Variants in TSC1 observed in about 807,000 individuals in gnomAD.
TSC1 encodes the protein hamartin.
TSC1 carries 20 observed loss-of-function variants against 124.3 expected under a neutral mutation model. The observed-to-expected ratio is 0.16, with a 90% CI of 0.11 to 0.23. The LOEUF (loss-of-function observed/expected upper bound fraction) is 0.23. Among genes scored for constraint, TSC1 ranks in the 10% least tolerant of loss-of-function variants. The pLI is 1.00. For missense variants in TSC1, 1,124 were observed against 1,448.5 expected, an observed-to-expected ratio of 0.78 and a Z score of 3.64; for synonymous variants, 493 against 539.1, an observed-to-expected ratio of 0.91 and a Z score of 1.19.
intron 8 of TSC1, among the ~76,000 whole-genome samples, chr9:132,916,664 A>T (rs1405975476): frequency 2.0e-5 from 3 of 152,166 alleles, no homozygotes; most frequent in Admixed American, 2.0e-4. Flanking sequence ...GTCTATTGCT[A>T]ATTTTTCCTA....
At position 132,906,270 on chromosome 9, in the gene TSC1, A is replaced by T; in HGVS notation, c.1439-131T>A. 4 of 1,060,572 alleles carry T rather than the reference A, an allele frequency of 3.8e-6. No homozygotes were observed. The South Asian group carries it at 4.1e-5, about 11-fold the overall frequency. The allele number at this position is 1,060,572 out of a possible 1,614,324, so 65.7% of individuals were successfully genotyped here. On this transcript the variant is annotated intron_variant, in intron 14 of 22. Transcript: ENST00000298552. This position sits in a 1 kb window ranked among gnomAD's most constrained non-coding sequence, Gnocchi z 4.1. ...AGGAGAAAAAGTGGCATCCGGCTGGACACAGTGGCTCACGCCTGTAATGCC... is the reference window on the plus strand; with the variant it reads ...AGGAGAAAAAGTGGCATCCGGCTGGTCACAGTGGCTCACGCCTGTAATGCC...
intron 1 of TSC1, among the ~76,000 whole-genome samples, chr9:132,937,873 C>A (rs1051215535): frequency 1.3e-5 from 2 of 152,150 alleles, no homozygotes; most frequent in Non-Finnish European, 2.9e-5. Context: ...CACCACCATG[C>A]CCAACTAATT....
At chr9:132,909,588 T>C (rs1243096223) in intron 12 of TSC1, among the ~76,000 whole-genome samples, 1 of 152,172 alleles carries the variant, frequency 6.6e-6, no homozygotes, top group Non-Finnish European at 1.5e-5. Flanking sequence ...AGCAGTTCTT[T>C]CAAATAAAAC....
intron 12 of TSC1, among the ~76,000 whole-genome samples, chr9:132,909,085 T>G (rs1373840990): frequency 6.6e-6 from 1 of 151,918 alleles, no homozygotes; most frequent in East Asian, 1.9e-4. Context: ...CTATATTTAG[T>G]AGAGATGGTG....
intron 2 of TSC1, among the ~76,000 whole-genome samples, chr9:132,929,371 C>T (rs1267048143): frequency 6.6e-6 from 1 of 152,214 alleles, no homozygotes; most frequent in East Asian, 1.9e-4. Flanking sequence ...TTGACAGTCT[C>T]ATCAATGGCT....
chr9:132,900,234 G>A (rs547005617), intron 20 of TSC1: 57 of 176,596 alleles, frequency 3.2e-4, no homozygotes, highest in Admixed American at 1.3e-3. Context: ...CTTCTGCCTC[G>A]ACACCACTGG....
Position 132,897,589 on chromosome 9 carries a change from C to T in TSC1, c.2647G>A (p.Ala883Thr), listed in dbSNP as rs118203721. 2.7e-4 allele frequency: 364 copies of T among 1,367,368 alleles called. No homozygotes were observed. The highest frequency in any genetic ancestry group is 3.4e-4 in the Non-Finnish European group (349 of 1,020,828). The allele number at this position is 1,367,368 out of a possible 1,614,324, so 84.7% of individuals were successfully genotyped here. A position where few individuals can be genotyped will look rare whatever the true frequency, so the allele number is the denominator to read the frequency against. ...TTKEVEMMKA[A>T]YRKELEKNRS... Reference sequence around the variant, plus strand: ...TTTTTTTCTAGCTCTTTCCGATAGGCGGCTTTCATCATTTCTACTTCCTGA... The same window carrying T: ...TTTTTTTCTAGCTCTTTCCGATAGGTGGCTTTCATCATTTCTACTTCCTGA... Residue 883 changes from alanine (A) to threonine (T), a missense_variant, in exon 21 of 23, where the codon GCC becomes ACC. By Grantham distance (58) the Ala-to-Thr change is moderately conservative. This residue lies in a region of TSC1 where 325 missense variants were observed against 383.4 expected (regional missense o/e 0.85). Transcript: ENST00000298552.
intron 11 of TSC1, 46 bp from the exon 12 acceptor site, chr9:132,910,738 T>C: frequency 6.2e-7 from 1 of 1,611,766 alleles, no homozygotes; most frequent in Non-Finnish European, 8.5e-7. Context: ...GCCCAACTAT[T>C]AGAAAAACTG....
intron 8 of TSC1, among the ~76,000 whole-genome samples, chr9:132,917,136 A>AT (rs1237574835): frequency 6.6e-6 from 1 of 151,930 alleles, no homozygotes; most frequent in South Asian, 2.1e-4. Context: ...ATGTGATTTC[A>AT]TTTTTTTCTT....
intron 6 of TSC1, 60 bp from the exon 7 acceptor site, chr9:132,922,033 A>G (rs2132165437): frequency 6.2e-7 from 1 of 1,606,780 alleles, no homozygotes; most frequent in Non-Finnish European, 8.5e-7. Context: ...GGAGTGCAAA[A>G]CAGCTATAAA....
chr9:132,941,541 C>T (rs1847738578), intron 1 of TSC1: 1 of 152,144 alleles, frequency 6.6e-6, no homozygotes, highest in Admixed American at 6.5e-5. Flanking sequence ...ACTACATATA[C>T]ACATTTCAAG....
In TSC1 at chr9:132,927,204, G is replaced by T; in HGVS notation, c.207C>A (p.Asp69Glu). 1 of 1,613,804 alleles carries T rather than the reference G, an allele frequency of 6.2e-7. No homozygotes were observed. Among genetic ancestry groups the T allele is most frequent in the South Asian group, 1.1e-5 (1 of 90,980 alleles). The change falls in exon 4 of 23, where the codon GAC becomes GAA. Residue 69 changes from aspartate (D) to glutamate (E), a missense_variant. Physicochemically the swap from Asp to Glu is conservative, Grantham distance 45. Transcript: ENST00000298552. ...CCTATGATATTTCAGCCATTACCTT[G>T]TCATGTGGCTCTTGCAAGGTGGTCA... Reference protein sequence around the residue: ...HILTTLQEPHDKHLLDRINEY... With the variant: ...HILTTLQEPHEKHLLDRINEY...
Position 132,906,274 on chromosome 9 carries a change from A to G in TSC1, c.1439-135T>C. On this transcript the variant is annotated intron_variant, in intron 14 of 22. Coordinates refer to ENST00000298552, the MANE Select transcript of TSC1 (RefSeq NM_000368.5). This position sits in a 1 kb window ranked among gnomAD's most constrained non-coding sequence, Gnocchi z 4.1. Reference sequence around the variant, plus strand: ...GAAAAAGTGGCATCCGGCTGGACACAGTGGCTCACGCCTGTAATGCCAGAA... The same window carrying G: ...GAAAAAGTGGCATCCGGCTGGACACGGTGGCTCACGCCTGTAATGCCAGAA... 9.8e-7 allele frequency: 1 copy of G among 1,020,404 alleles called. No homozygotes were observed. Among genetic ancestry groups the G allele is most frequent in the Non-Finnish European group, 1.5e-6 (1 of 677,130 alleles). The allele number at this position is 1,020,404 out of a possible 1,614,324, so 63.2% of individuals were successfully genotyped here. A position where few individuals can be genotyped will look rare whatever the true frequency, so the allele number is the denominator to read the frequency against.
Position 132,896,457 on chromosome 9 carries a change from C to T in TSC1, c.3273G>A (p.Lys1091=), listed in dbSNP as rs2131597498. The change falls in exon 23 of 23, where the codon AAG becomes AAA. Residue 1091 remains lysine (K), a synonymous_variant. Transcript: ENST00000298552. The surrounding 1 kb of genome is among the most constrained non-coding windows in gnomAD (Gnocchi z 4.5). The part of the protein sequence containing the change: ...LPSSKSFLGM[K]ARELFRNKSE... ...TCTTATTACGAAATAACTCTCGAGC[C>T]TTCATACCCAGGAAGCTTTTTGAAC... The T allele has an allele frequency of 6.2e-7, 1 of 1,614,214 alleles. No homozygotes were observed. The highest frequency in any genetic ancestry group is 1.7e-5 in the Admixed American group (1 of 60,020).
In TSC1 at chr9:132,921,217, T is replaced by C; in HGVS notation, c.737+146A>G. 1.2e-6 allele frequency: 1 copy of C among 817,986 alleles called. No homozygotes were observed. Among genetic ancestry groups the C allele is most frequent in the South Asian group, 1.5e-5 (1 of 68,360 alleles). The allele number at this position is 817,986 out of a possible 1,614,324, so 50.7% of individuals were successfully genotyped here. ...AGAGTATGTTTTAAACTCACACAAA[T>C]TTTAGCTGTATGAGTGCTTCCAAGT... On this transcript the variant is annotated intron_variant, in intron 8 of 22. Transcript: ENST00000298552. This position sits in a 1 kb window ranked among gnomAD's most constrained non-coding sequence, Gnocchi z 4.3.
At chr9:132,939,889 C>T (rs1280329497) in intron 1 of TSC1, among the ~76,000 whole-genome samples, 2 of 152,068 alleles carry the variant, frequency 1.3e-5, no homozygotes, top group Admixed American at 6.5e-5. Flanking sequence ...CACTAGATCT[C>T]GGAATTGGAT....
rs532076477 is a variant in TSC1 at position 132,919,709 on chromosome 9, G to A, written c.737+1654C>T. On this transcript the variant is annotated intron_variant, in intron 8 of 22. Transcript: ENST00000298552. Reference sequence around the variant, plus strand: ...GGGAGATCCTGCACAGGAGAGAGGCGAAGGAAAGCCCCAGGAGACTAGGAT... The same window carrying A: ...GGGAGATCCTGCACAGGAGAGAGGCAAAGGAAAGCCCCAGGAGACTAGGAT... Among the ~76,000 whole-genome samples the A allele has an allele frequency of 3.9e-5, 6 of 152,326 alleles. No individual in the cohort carries two copies. In the South Asian group the frequency reaches 1.2e-3, roughly 32 times the overall value.
rs1847969391 is a variant in TSC1 at position 132,944,509 on chromosome 9, C to T, written c.-144+34G>A. The T allele has an allele frequency of 1.8e-5, 7 of 398,404 alleles. No individual in the cohort carries two copies. In the Admixed American group the frequency reaches 3.1e-4, roughly 18 times the overall value. 24.7% of individuals were successfully genotyped at this position (398,404 alleles called of 1,614,324 possible). ...TGCCGGGGCTGCCCCAGGAAGCCCC[C>T]ATAAAAAGGAGGGGGAGACACCCCC... is the stretch of plus-strand genomic sequence containing the variant. On this transcript the variant is annotated intron_variant, in intron 1 of 22. Transcript: ENST00000298552.
In TSC1 at chr9:132,906,598, G is replaced by T; in HGVS notation, c.1438+133C>A. On this transcript the variant is annotated intron_variant, in intron 14 of 22. Coordinates refer to ENST00000298552, the MANE Select transcript of TSC1 (RefSeq NM_000368.5). This position sits in a 1 kb window ranked among gnomAD's most constrained non-coding sequence, Gnocchi z 4.1. ...ATCACTTTACCTGGCATAGGTCCCA[G>T]ACTAAACCACCCATCTTGTTACCTC... 1.3e-6 allele frequency: 1 copy of T among 766,898 alleles called. No homozygotes were observed. Among genetic ancestry groups the T allele is most frequent in the Non-Finnish European group, 2.2e-6 (1 of 448,988 alleles). The allele number at this position is 766,898 out of a possible 1,614,324, so 47.5% of individuals were successfully genotyped here. A position where few individuals can be genotyped will look rare whatever the true frequency, so the allele number is the denominator to read the frequency against.
Sources: gnomAD v4.1 joint callset for allele counts (sites outside exome capture counted in the v4.1 genomes callset) on GRCh38, gnomAD v4.1.1 for gene constraint, gnomAD v4.1.1 regional missense constraint, Gnocchi (gnomAD v3.1) non-coding constraint, MANE v1.5 for transcripts, NCBI Gene and HGNC (gene_info 2026-07-23, HGNC 2026-07-21) for gene names.